Variants in NSMCE1 observed in about 807,000 individuals in gnomAD.
NSMCE1 encodes the protein non-structural maintenance of chromosomes element 1 homolog.
A neutral mutation model predicts 29.6 loss-of-function variants in NSMCE1; 18 were observed. That is an observed-to-expected ratio of 0.61 (90% CI 0.42 to 0.90). The LOEUF is 0.90. Ranked by LOEUF, NSMCE1 falls within the 40% of genes least tolerant of loss-of-function variation. NSMCE1 has a pLI of 0.00. For synonymous variants in NSMCE1, 124 were observed against 133.4 expected (o/e 0.93, Z 0.49); for missense variants, 314 against 343.6 (o/e 0.91, Z 0.68).
intron 2 of NSMCE1, among the ~76,000 whole-genome samples, chr16:27,252,954 G>A (rs2084050415): frequency 6.6e-6 from 1 of 152,026 alleles, no homozygotes; most frequent in Non-Finnish European, 1.5e-5. Context: ...AGAAACCCTT[G>A]AACGACAGGA....
At chr16:27,248,535 C>T (rs949710733) in intron 2 of NSMCE1, among the ~76,000 whole-genome samples, 3 of 151,576 alleles carry the variant, frequency 2.0e-5, no homozygotes, top group African/African-American at 7.3e-5. Context: ...CTCAGCCTCC[C>T]AAGTAGCTGG....
rs549484371 is a variant in NSMCE1, at chr16:27,237,570, C to T, written c.137-2271G>A. 3.1e-4 allele frequency among the ~76,000 whole-genome samples: 47 copies of T among 152,344 alleles called. 1 individual carries two copies. The South Asian group carries it at 8.7e-3, about 28-fold the overall frequency. ...AAGAGGCCCAGACATCAAAAAGCCT[C>T]GTTCAGTGCGGAGTGAGTGACAGGA... is the stretch of plus-strand genomic sequence containing the variant. On this transcript the variant is annotated intron_variant, in intron 2 of 7. Coordinates refer to ENST00000361439, the MANE Select transcript of NSMCE1 (RefSeq NM_145080.4).
chr16:27,232,915 T>C lies in NSMCE1; in HGVS notation c.483+86A>G, dbSNP rs1247827488. On this transcript the variant is annotated intron_variant, in intron 5 of 7. Transcript: ENST00000361439. The surrounding 1 kb of genome is among the most constrained non-coding windows in gnomAD (Gnocchi z 4.5). ...CCGAGAAGGCCGGGCTCCTCAGACATCAGTTGGCTACAAGTACGATTTTGG... is the reference window on the plus strand; with the variant it reads ...CCGAGAAGGCCGGGCTCCTCAGACACCAGTTGGCTACAAGTACGATTTTGG... The C allele has an allele frequency of 7.1e-6, 10 of 1,405,124 alleles. No homozygotes were observed. The highest frequency in any genetic ancestry group is 9.9e-6 in the Non-Finnish European group (10 of 1,008,976). 87.0% of individuals were successfully genotyped at this position (1,405,124 alleles called of 1,614,324 possible). A position where few individuals can be genotyped will look rare whatever the true frequency, so the allele number is the denominator to read the frequency against.
intron 2 of NSMCE1, among the ~76,000 whole-genome samples, chr16:27,253,757 A>T (rs2084057774): frequency 6.6e-6 from 1 of 152,210 alleles, no homozygotes; most frequent in Admixed American, 6.5e-5. Flanking sequence ...TTGAGATTCT[A>T]GGGAAGCTTT....
chr16:27,229,039 C>T (rs1806986237), intron 5 of NSMCE1, among the ~76,000 whole-genome samples: 2 of 152,214 alleles, frequency 1.3e-5, no homozygotes, highest in Non-Finnish European at 1.5e-5. Context: ...CTCACCCCCA[C>T]CCCAGGGCTT....
In NSMCE1 at chr16:27,225,755, C is replaced by T. The variant is rs774697446; in HGVS notation, c.692G>A (p.Cys231Tyr). 6.4e-5 allele frequency: 103 copies of T among 1,614,072 alleles called. No homozygotes were observed. Among genetic ancestry groups the T allele is most frequent in the Non-Finnish European group, 8.5e-5 (100 of 1,180,044 alleles). ...QSNAEPRCPHCNDYWPHEIPK... is the reference protein window; with the variant it reads ...QSNAEPRCPHYNDYWPHEIPK... ...GATCTCGTGGGGCCAGTAGTCGTTG[C>T]AGTGGGGGCAGCGCGGTTCAGCATT... Residue 231 changes from cysteine (C) to tyrosine (Y), a missense_variant, in exon 7 of 8, where the codon TGC (cysteine) becomes TAC (tyrosine). Coordinates refer to ENST00000361439, the MANE Select transcript of NSMCE1 (RefSeq NM_145080.4).
At chr16:27,230,292 G>A (rs768104074) in intron 5 of NSMCE1, among the ~76,000 whole-genome samples, 1 of 152,212 alleles carries the variant, frequency 6.6e-6, no homozygotes, top group Non-Finnish European at 1.5e-5. Context: ...CCACCTGGAA[G>A]GGCCTTGTCA....
chr16:27,225,026 G>C lies in NSMCE1; in HGVS notation c.*131C>G. On this transcript the variant is annotated 3_prime_UTR_variant, in exon 8 of 8. Transcript: ENST00000361439. The stretch of plus-strand genomic sequence containing the variant: ...ACTTCCCAGGATGGTTTATTCCAAA[G>C]CTGTGGACGGTGAACATTAAGACGA... 1.6e-6 allele frequency: 1 copy of C among 639,802 alleles called. No individual in the cohort carries two copies. Among genetic ancestry groups the C allele is most frequent in the Admixed American group, 2.4e-5 (1 of 41,318 alleles). The allele number at this position is 639,802 out of a possible 1,614,324, so 39.6% of individuals were successfully genotyped here. A position where few individuals can be genotyped will look rare whatever the true frequency, so the allele number is the denominator to read the frequency against.
intron 7 of NSMCE1, among the ~76,000 whole-genome samples, chr16:27,225,523 T>A (rs2083679566): frequency 6.6e-6 from 1 of 152,250 alleles, no homozygotes; most frequent in South Asian, 2.1e-4. Flanking sequence ...GAATTTCAGC[T>A]GGGTTCTAGA....
At chr16:27,244,133 G>C (rs1468145974) in intron 2 of NSMCE1, among the ~76,000 whole-genome samples, 3 of 152,226 alleles carry the variant, frequency 2.0e-5, no homozygotes, top group Non-Finnish European at 4.4e-5. Flanking sequence ...TGGAGTCTCT[G>C]CTAAACCCAA....
rs879443448 is a variant in NSMCE1, at chr16:27,264,579, G to A, written c.-12+4127C>T. On this transcript the variant is annotated intron_variant, in intron 1 of 7. Transcript: ENST00000361439. ...TGCCAGGAAAACTTGTTATCCATAT[G>A]TAAAAAAATGAATAAAATTTGATTC... Among the ~76,000 whole-genome samples the A allele has an allele frequency of 2.6e-5, 4 of 152,220 alleles. 1 individual carries two copies. The highest frequency in any genetic ancestry group is 5.9e-5 in the Non-Finnish European group (4 of 68,010).
chr16:27,225,478 A>C (rs532010006), intron 7 of NSMCE1, among the ~76,000 whole-genome samples: 1 of 152,314 alleles, frequency 6.6e-6, no homozygotes, highest in South Asian at 2.1e-4. Flanking sequence ...TGCCAGAGAG[A>C]GAGCCTTGTC....
intron 6 of NSMCE1, chr16:27,226,459 T>C: frequency 4.4e-6 from 2 of 455,226 alleles, no homozygotes; most frequent in East Asian, 7.6e-5. Context: ...ACACTCAGCC[T>C]TCCTGAGAAA....
chr16:27,248,391 T>C (rs2083980221), intron 2 of NSMCE1, among the ~76,000 whole-genome samples: 1 of 150,042 alleles, frequency 6.7e-6, no homozygotes, highest in Non-Finnish European at 1.5e-5. Context: ...GGTAGCTCAC[T>C]GCGGTTTTAG....
intron 1 of NSMCE1, among the ~76,000 whole-genome samples, chr16:27,259,772 G>T (rs183529473): frequency 6.6e-6 from 1 of 152,184 alleles, no homozygotes; most frequent in East Asian, 1.9e-4. Flanking sequence ...CAATACCAGA[G>T]ATTAAACACA....
chr16:27,227,778 CT>C (rs1567271428), intron 5 of NSMCE1, among the ~76,000 whole-genome samples: 1 of 142,860 alleles, frequency 7.0e-6, no homozygotes, highest in Non-Finnish European at 1.5e-5. Flanking sequence ...CGTTTCTTTT[CT>C]TTTCTTTTTT....
intron 2 of NSMCE1, among the ~76,000 whole-genome samples, chr16:27,237,037 GCT>G (rs2083833308): frequency 6.6e-6 from 1 of 152,232 alleles, no homozygotes; most frequent in South Asian, 2.1e-4. Context: ...AGGCCAATGA[GCT>G]CTGTCAGAGG....
chr16:27,229,965 A>G lies in NSMCE1; in HGVS notation c.483+3036T>C, dbSNP rs373106291. ...GACCCACTCAGTCCTCTGAGGGCCC[A>G]TCAGGGGAGGGGCAGGAGGGATGCC... On this transcript the variant is annotated intron_variant, in intron 5 of 7. Transcript: ENST00000361439. Among the ~76,000 whole-genome samples the G allele has an allele frequency of 3.3e-5, 5 of 152,300 alleles. 1 individual carries two copies. The South Asian group carries it at 6.2e-4, about 19-fold the overall frequency.
At chr16:27,264,077 A>G (rs1473932817) in intron 1 of NSMCE1, among the ~76,000 whole-genome samples, 1 of 152,204 alleles carries the variant, frequency 6.6e-6, no homozygotes, top group African/African-American at 2.4e-5. Flanking sequence ...AAGACTTCTC[A>G]TATTTGCTGG....
Sources: allele counts gnomAD v4.1 joint callset (sites outside exome capture counted in the v4.1 genomes callset), GRCh38; gene constraint gnomAD v4.1.1; non-coding constraint Gnocchi (gnomAD v3.1); transcripts MANE v1.5; gene names NCBI Gene and HGNC (gene_info 2026-07-23, HGNC 2026-07-21).